CUBN: variants seen among roughly 807,000 people sequenced by gnomAD.
CUBN encodes the protein 460 kDa receptor.
A neutral mutation model predicts 405.3 loss-of-function variants in CUBN; 282 were observed. The ratio of observed to expected loss-of-function variants is 0.70; its 90% CI spans 0.63 to 0.77. The LOEUF is 0.77. CUBN is among the 30% of genes least tolerant of loss of function. CUBN has a pLI of 0.00. For synonymous variants in CUBN, 1,684 were observed against 1,617.0 expected (o/e 1.04, Z -0.99); for missense variants, 4,514 against 4,475.2 (o/e 1.01, Z -0.25).
At chr10:16,887,762 AT>A (rs1179015407) in intron 56 of CUBN, among the ~76,000 whole-genome samples, 1 of 152,202 alleles carries the variant, frequency 6.6e-6, no homozygotes, top group Non-Finnish European at 1.5e-5. Context: ...TGTCCAAGAG[AT>A]TATCTATACT....
At chr10:16,827,947 T>C (rs1838838294) in intron 66 of CUBN, among the ~76,000 whole-genome samples, 1 of 152,220 alleles carries the variant, frequency 6.6e-6, no homozygotes, top group Non-Finnish European at 1.5e-5. Flanking sequence ...CACAGATGCC[T>C]GCAATATTGA....
At chr10:16,876,339 C>T (rs1479752184) in intron 57 of CUBN, among the ~76,000 whole-genome samples, 1 of 152,196 alleles carries the variant, frequency 6.6e-6, no homozygotes, top group Admixed American at 6.5e-5. Flanking sequence ...ACAAATGCCT[C>T]TGTCCAGTCT....
At chr10:16,915,214 G>T in intron 46 of CUBN, 42 bp from the exon 47 acceptor site, 1 of 1,611,496 alleles carries the variant, frequency 6.2e-7, no homozygotes, top group South Asian at 1.1e-5. Flanking sequence ...CCAAGTGATT[G>T]ATTTCCTTTA....
chr10:16,970,068 C>T (rs1412773505), intron 31 of CUBN, among the ~76,000 whole-genome samples: 2 of 152,132 alleles, frequency 1.3e-5, no homozygotes, highest in Non-Finnish European at 1.5e-5. Context: ...ACTAAGAACC[C>T]CAAGCCATGA....
At chr10:17,122,507 T>G (rs1279212574) in intron 6 of CUBN, 4 of 468,240 alleles carry the variant, frequency 8.5e-6, no homozygotes, top group African/African-American at 6.1e-5. Flanking sequence ...CAGCTCCTTT[T>G]GCACCAGGCC....
At chr10:16,893,213 G>C (rs993344585) in intron 54 of CUBN, among the ~76,000 whole-genome samples, 2 of 152,122 alleles carry the variant, frequency 1.3e-5, no homozygotes, top group Non-Finnish European at 1.5e-5. Flanking sequence ...TTAAACAAAT[G>C]TTTACAGACA....
intron 31 of CUBN, among the ~76,000 whole-genome samples, chr10:16,979,577 A>G: frequency 6.6e-6 from 1 of 152,224 alleles, no homozygotes; most frequent in East Asian, 1.9e-4. Context: ...ACCTGACAAA[A>G]ACAAGCAATG....
intron 60 of CUBN, among the ~76,000 whole-genome samples, chr10:16,844,266 TC>T (rs375179588): frequency 0.16 from 9,372 of 57,978 alleles, 1,068 homozygotes; most frequent in African/African-American, 0.34. Context: ...CGAAACTCTG[TC>T]CCCAAAAAAA....
At chr10:17,022,204 C>T (rs1380769325) in intron 27 of CUBN, among the ~76,000 whole-genome samples, 1 of 152,084 alleles carries the variant, frequency 6.6e-6, no homozygotes, top group African/African-American at 2.4e-5. Flanking sequence ...ATTTTTAAAC[C>T]TTGGCCTGTC....
At chr10:16,963,590 A>G (rs1450333896) in intron 31 of CUBN, among the ~76,000 whole-genome samples, 1 of 152,216 alleles carries the variant, frequency 6.6e-6, no homozygotes, top group Non-Finnish European at 1.5e-5. Flanking sequence ...GGTTACATAC[A>G]GATATTGCTT....
intron 58 of CUBN, among the ~76,000 whole-genome samples, chr10:16,873,687 A>G (rs1588609537): frequency 6.8e-6 from 1 of 147,436 alleles, no homozygotes; most frequent in South Asian, 2.2e-4. Flanking sequence ...GTGCCACTAC[A>G]CTCCAGCCTG....
At chr10:17,119,126 C>T (rs951987227) in intron 6 of CUBN, among the ~76,000 whole-genome samples, 1 of 152,204 alleles carries the variant, frequency 6.6e-6, no homozygotes, top group Non-Finnish European at 1.5e-5. Flanking sequence ...TAATACCTAA[C>T]TACCACCTGA....
At chr10:16,963,468 T>G (rs1360182922) in intron 31 of CUBN, among the ~76,000 whole-genome samples, 2 of 152,190 alleles carry the variant, frequency 1.3e-5, no homozygotes, top group Non-Finnish European at 2.9e-5. Context: ...ATTACAGGCA[T>G]GAGCCACTGT....
At chr10:16,846,466 T>C (rs1839511844) in intron 60 of CUBN, among the ~76,000 whole-genome samples, 1 of 152,166 alleles carries the variant, frequency 6.6e-6, no homozygotes, top group South Asian at 2.1e-4. Context: ...AATTACATTA[T>C]GGGTAGGTTA....
Position 16,940,150 on chromosome 10 carries a change from T to A in CUBN, c.5430A>T (p.Arg1810=), listed in dbSNP as rs1435170660. The A allele has an allele frequency of 4.3e-6, 7 of 1,614,076 alleles. No homozygotes were observed. The highest frequency in any genetic ancestry group is 5.1e-6 in the Non-Finnish European group (6 of 1,179,970). The part of the protein sequence containing the change: ...EGNATGHLVG[R]YCGNSFPLNY... ...TGAGAGGGAAGGAGTTTCCACAGTA[T>A]CGTCCCACCAAGTGACCCGTGGCAT... Residue 1810 remains arginine (R), a synonymous_variant, in exon 37 of 67, where the codon CGA becomes CGT. Transcript: ENST00000377833.
At chr10:17,035,016 G>A (rs1429151616) in intron 27 of CUBN, among the ~76,000 whole-genome samples, 2 of 150,926 alleles carry the variant, frequency 1.3e-5, no homozygotes, top group Non-Finnish European at 2.9e-5. Context: ...TGTGATGGCT[G>A]ACCACTTAAC....
intron 28 of CUBN, 130 bp downstream of exon 28, chr10:17,019,703 C>T (rs1834439813): frequency 1.9e-6 from 2 of 1,079,788 alleles, no homozygotes. Flanking sequence ...TTTCTTAAAC[C>T]CTTGCATGAG....
chr10:17,086,641 A>G (rs1474590150), intron 15 of CUBN, among the ~76,000 whole-genome samples: 7 of 152,150 alleles, frequency 4.6e-5, no homozygotes, highest in Non-Finnish European at 8.8e-5. Flanking sequence ...TCTCTCTATA[A>G]TTTTGTTGTA....
chr10:16,930,297 T>C (rs1281632104), intron 40 of CUBN, among the ~76,000 whole-genome samples: 2 of 152,224 alleles, frequency 1.3e-5, no homozygotes, highest in Non-Finnish European at 2.9e-5. Context: ...ACATGTACTA[T>C]CTGATTTTAT....
Sources: gnomAD v4.1 joint callset for allele counts (sites outside exome capture counted in the v4.1 genomes callset) on GRCh38, gnomAD v4.1.1 for gene constraint, MANE v1.5 for transcripts, NCBI Gene and HGNC (gene_info 2026-07-23, HGNC 2026-07-21) for gene names.